PGBD5: variants seen among roughly 807,000 people sequenced by gnomAD.
The protein encoded by PGBD5 is piggyBac transposable element derived 5.
A neutral mutation model predicts 47.9 loss-of-function variants in PGBD5; 14 were observed. The observed-to-expected ratio is 0.29, with a 90% CI of 0.19 to 0.46. The LOEUF is 0.46. Among genes scored for constraint, PGBD5 ranks in the 20% least tolerant of loss-of-function variants. The pLI is 1.00. For synonymous variants in PGBD5, 316 were observed against 306.3 expected, an observed-to-expected ratio of 1.03 and a Z score of -0.33; for missense variants, 635 against 716.0, an observed-to-expected ratio of 0.89 and a Z score of 1.29.
At chr1:230,388,550 G>A (rs7549147) in intron 1 of PGBD5, among the ~76,000 whole-genome samples, 54,457 of 151,662 alleles carry the variant, frequency 0.36, 10,655 homozygotes, top group Non-Finnish European at 0.45. Context: ...CAAGTAGCTG[G>A]GACTACAGGC....
intron 1 of PGBD5, among the ~76,000 whole-genome samples, chr1:230,421,300 T>C (rs1188975919): frequency 6.6e-6 from 1 of 152,196 alleles, no homozygotes; most frequent in East Asian, 1.9e-4. Context: ...CTCACAGAAC[T>C]GTATCCGCTT....
At chr1:230,362,366 G>T in intron 1 of PGBD5, 1 of 1,365,740 alleles carries the variant, frequency 7.3e-7, no homozygotes. Flanking sequence ...CACAGCTGTC[G>T]CTGCCTCTGG....
chr1:230,423,082 TAC>T (rs1267614321), intron 1 of PGBD5, among the ~76,000 whole-genome samples: 1 of 151,820 alleles, frequency 6.6e-6, no homozygotes, highest in African/African-American at 2.4e-5. Flanking sequence ...AATACCCAGT[TAC>T]ATACACACAT....
chr1:230,375,396 G>T (rs1242673353), intron 1 of PGBD5, among the ~76,000 whole-genome samples: 3 of 152,120 alleles, frequency 2.0e-5, no homozygotes, highest in African/African-American at 7.2e-5. Flanking sequence ...CTGGTGGAGG[G>T]CGGTGGGGGG....
chr1:230,351,983 C>T (rs1667566145), intron 2 of PGBD5, among the ~76,000 whole-genome samples: 1 of 152,280 alleles, frequency 6.6e-6, no homozygotes, highest in Admixed American at 6.5e-5. Flanking sequence ...CAGGAACGTG[C>T]TACACTTCCC....
chr1:230,352,066 G>A (rs1275138414), intron 2 of PGBD5, among the ~76,000 whole-genome samples: 1 of 151,138 alleles, frequency 6.6e-6, no homozygotes, highest in Non-Finnish European at 1.5e-5. Flanking sequence ...AAGAGTGCAG[G>A]CAATGATTCC....
intron 1 of PGBD5, among the ~76,000 whole-genome samples, chr1:230,379,283 C>T (rs1303297498): frequency 1.3e-5 from 2 of 152,118 alleles, no homozygotes; most frequent in Non-Finnish European, 1.5e-5. Context: ...CCTTTCAACC[C>T]CTGCTCCTCA....
At chr1:230,328,624 CTG>C (rs1469077580) in intron 5 of PGBD5, among the ~76,000 whole-genome samples, 1 of 152,236 alleles carries the variant, frequency 6.6e-6, no homozygotes, top group African/African-American at 2.4e-5. Context: ...TTCTCCATGT[CTG>C]TCTCTGTGAT....
At chr1:230,359,584 G>T (rs1667711836) in intron 1 of PGBD5, among the ~76,000 whole-genome samples, 1 of 152,182 alleles carries the variant, frequency 6.6e-6, no homozygotes, top group African/African-American at 2.4e-5. Context: ...CACAGTCTTA[G>T]AGGAATTTCT....
intron 3 of PGBD5, among the ~76,000 whole-genome samples, chr1:230,348,670 AC>A (rs1432581630): frequency 6.6e-6 from 1 of 152,208 alleles, no homozygotes; most frequent in Non-Finnish European, 1.5e-5. Context: ...CTCTAAAAAA[AC>A]AACTGTCCCC....
At chr1:230,383,486 T>A (rs1305974871) in intron 1 of PGBD5, among the ~76,000 whole-genome samples, 1 of 151,980 alleles carries the variant, frequency 6.6e-6, no homozygotes, top group Non-Finnish European at 1.5e-5. Context: ...TACCACAGCC[T>A]CCTAAATAGC....
rs7529587 is a variant in PGBD5, at chr1:230,342,225, G to C, written c.895-4937C>G. The stretch of plus-strand genomic sequence containing the variant: ...TTCCACTAAGCTGTTGCTGGGATCC[G>C]GGCACCCTCCTGCCTCTCTAACACA... On this transcript the variant is annotated intron_variant, in intron 3 of 6. Transcript: ENST00000391860. 4.8e-4 allele frequency among the ~76,000 whole-genome samples: 73 copies of C among 152,236 alleles called. 1 individual carries two copies. Among genetic ancestry groups the C allele is most frequent in the African/African-American group, 1.7e-3 (71 of 41,524 alleles).
At chr1:230,350,038 GC>G (rs1667537771) in intron 3 of PGBD5, among the ~76,000 whole-genome samples, 2 of 152,212 alleles carry the variant, frequency 1.3e-5, no homozygotes, top group Non-Finnish European at 2.9e-5. Context: ...GAGATGTTCG[GC>G]AGAATCTTCC....
intron 3 of PGBD5, among the ~76,000 whole-genome samples, chr1:230,338,402 C>T (rs1253339659): frequency 1.3e-5 from 2 of 152,222 alleles, no homozygotes; most frequent in African/African-American, 4.8e-5. Context: ...CTTACGGCTG[C>T]AGGACTGAGG....
intron 1 of PGBD5, among the ~76,000 whole-genome samples, chr1:230,414,085 G>C (rs1657467335): frequency 6.6e-6 from 1 of 152,166 alleles, no homozygotes; most frequent in East Asian, 1.9e-4. Context: ...AGTCGTTTGG[G>C]ATTACGAACA....
At position 230,315,754 on chromosome 1, in the gene PGBD5, CACAT is replaced by C. The variant is rs1337132063; in HGVS notation, c.*7667_*7670del. The C allele has an allele frequency of 7.4e-6, 1 of 135,942 alleles. No homozygotes were observed. The highest frequency in any genetic ancestry group is 2.6e-5 in the African/African-American group (1 of 37,948). The allele number at this position is 135,942 out of a possible 1,614,324, so 8.4% of individuals were successfully genotyped here. A position where few individuals can be genotyped will look rare whatever the true frequency, so the allele number is the denominator to read the frequency against. ...AGTGGACACTGTATGTGTATATATACACATACATATATTATAGATGTATGCATAT... is the reference window on the plus strand; with the variant it reads ...AGTGGACACTGTATGTGTATATATACACATATATTATAGATGTATGCATAT... On this transcript the variant is annotated 3_prime_UTR_variant, in exon 7 of 7. Transcript: ENST00000391860.
At chr1:230,422,143 T>C (rs1252634587) in intron 1 of PGBD5, among the ~76,000 whole-genome samples, 1 of 151,904 alleles carries the variant, frequency 6.6e-6, no homozygotes, top group Non-Finnish European at 1.5e-5. Flanking sequence ...CCTCTCTCTC[T>C]CTCTTCTATG....
At chr1:230,363,282 G>A (rs1213168113) in intron 1 of PGBD5, among the ~76,000 whole-genome samples, 2 of 152,152 alleles carry the variant, frequency 1.3e-5, no homozygotes, top group Admixed American at 6.5e-5. Context: ...GCCCCATCAG[G>A]AAGAAAAGGA....
At chr1:230,388,322 G>A (rs1656698906) in intron 1 of PGBD5, among the ~76,000 whole-genome samples, 1 of 152,136 alleles carries the variant, frequency 6.6e-6, no homozygotes. Flanking sequence ...CGATGGGGTT[G>A]AGTGAGACAG....
Sources: allele counts gnomAD v4.1 joint callset (sites outside exome capture counted in the v4.1 genomes callset), GRCh38; gene constraint gnomAD v4.1.1; transcripts MANE v1.5; gene names NCBI Gene and HGNC (gene_info 2026-07-23, HGNC 2026-07-21).